Variants in TBC1D26 observed in about 807,000 individuals in gnomAD.
TBC1D26 encodes the protein TBC1 domain family member 26.
TBC1D26 carries 19 observed loss-of-function variants against 42.5 expected under a neutral mutation model. The ratio of observed to expected loss-of-function variants is 0.45; its 90% confidence interval spans 0.31 to 0.66. The LOEUF (loss-of-function observed/expected upper bound fraction) is 0.66. Ranked by LOEUF, TBC1D26 falls within the 30% of genes least tolerant of loss-of-function variation. The pLI is 0.06. For missense variants in TBC1D26, 228 were observed against 332.6 expected, an observed-to-expected ratio of 0.69 and a Z score of 2.45; for synonymous variants, 97 against 123.5, an observed-to-expected ratio of 0.79 and a Z score of 1.42.
rs1381302197 is a variant in TBC1D26, at chr17:15,741,195, T to C, written c.620T>C (p.Phe207Ser). 3 of 1,613,768 alleles carry C rather than the reference T, an allele frequency of 1.9e-6. No homozygotes were observed. Among genetic ancestry groups the C allele is most frequent in the Non-Finnish European group, 2.5e-6 (3 of 1,179,970 alleles). Residue 207 changes from phenylalanine (F) to serine (S), a missense_variant, in exon 10 of 15, where the codon TTC (phenylalanine) becomes TCC (serine). By Grantham distance (155) the Phe-to-Ser change is radical (BLOSUM62 -2). Coordinates refer to ENST00000437605, the MANE Select transcript of TBC1D26 (RefSeq NM_001388465.1). ...CTGTGTCTGCCAGAGGAAGATGCTT[T>C]CTGGGCGCTTACCCAGTTGCTCGCT... ...LLLCLPEEDA[F>S]WALTQLLAVF...
At chr17:15,739,568 G>C (rs1307587678) in intron 8 of TBC1D26, among the ~76,000 whole-genome samples, 2 of 152,260 alleles carry the variant, frequency 1.3e-5, no homozygotes, top group Admixed American at 1.3e-4. Flanking sequence ...ATTGCTGAGG[G>C]AATGACGCCA....
At chr17:15,741,476 G>A in intron 10 of TBC1D26, 1 of 576,870 alleles carries the variant, frequency 1.7e-6, no homozygotes, top group Non-Finnish European at 3.0e-6. Flanking sequence ...CCCCCTGGCT[G>A]CCCTCTGTCG....
intron 8 of TBC1D26, 60 bp downstream of exon 8, chr17:15,738,890 G>A: frequency 6.2e-7 from 1 of 1,608,396 alleles, no homozygotes; most frequent in South Asian, 1.1e-5. Context: ...GAGGAATGAG[G>A]TTGTCCCCAG....
At chr17:15,734,144 C>T (rs374781821) in intron 1 of TBC1D26, 91 of 152,054 alleles carry the variant, frequency 6.0e-4, no homozygotes, top group African/African-American at 2.1e-3. Context: ...AGATGTGACC[C>T]GGGCCGTGCA....
Position 15,738,097 on chromosome 17 carries a change from G to A in TBC1D26, c.279+20G>A, listed in dbSNP as rs145551277. The A allele has an allele frequency of 4.5e-3, 7,223 of 1,614,188 alleles. 44 individuals carry two copies. The highest frequency in any genetic ancestry group is 9.9e-3 in the Middle Eastern group (60 of 6,062). The stretch of plus-strand genomic sequence containing the variant: ...AAGAAGGTAACATGGGGAGGAAGTG[G>A]CCCGCGTGACTGCTCTCTGCAGAGC... On this transcript the variant is annotated intron_variant, in intron 6 of 14. Transcript: ENST00000437605.
chr17:15,741,205 T>C lies in TBC1D26; in HGVS notation c.630T>C (p.Leu210=). ...CAGAGGAAGATGCTTTCTGGGCGCT[T>C]ACCCAGTTGCTCGCTGGTGAGAGGC... is the stretch of plus-strand genomic sequence containing the variant. ...CLPEEDAFWA[L]TQLLAVFYSP... The change falls in exon 10 of 15, where the codon CTT becomes CTC. Residue 210 remains leucine (L), a synonymous_variant. Coordinates refer to ENST00000437605, the MANE Select transcript of TBC1D26 (RefSeq NM_001388465.1). The C allele has an allele frequency of 6.2e-7, 1 of 1,613,796 alleles. No individual in the cohort carries two copies. The highest frequency in any genetic ancestry group is 8.5e-7 in the Non-Finnish European group (1 of 1,179,970).
Position 15,738,928 on chromosome 17 carries a change from G to C in TBC1D26, c.497+98G>C, listed in dbSNP as rs1293133116. On this transcript the variant is annotated intron_variant, in intron 8 of 14. Transcript: ENST00000437605. ...CAGAGGCCAGGGTCACCCAGGAGAG[G>C]TGACAGAGCCACCAAGGGCTCTCCT... The C allele has an allele frequency of 3.2e-6, 5 of 1,539,668 alleles. No homozygotes were observed. In the Admixed American group the frequency reaches 9.2e-5, roughly 28 times the overall value.
chr17:15,741,017 G>A (rs2151502693), intron 9 of TBC1D26, 105 bp from the exon 10 acceptor site: 4 of 1,465,234 alleles, frequency 2.7e-6, no homozygotes, highest in Admixed American at 1.7e-5. Context: ...GGGGCCTGAG[G>A]CAGGTGTCCC....
At chr17:15,734,423 A>G (rs1229754189) in intron 1 of TBC1D26, among the ~76,000 whole-genome samples, 3 of 152,060 alleles carry the variant, frequency 2.0e-5, no homozygotes, top group Non-Finnish European at 4.4e-5. Context: ...CACTGGACAC[A>G]TGGGGTCCTT....
chr17:15,740,227 A>G, intron 9 of TBC1D26, 79 bp downstream of exon 9: 1 of 1,613,518 alleles, frequency 6.2e-7, no homozygotes, highest in Non-Finnish European at 8.5e-7. Context: ...GGGTGTTGCA[A>G]CTTCTTGAAA....
Position 15,741,985 on chromosome 17 carries a change from G to A in TBC1D26, c.690G>A (p.Ser230=), listed in dbSNP as rs367840777. The change falls in exon 11 of 15, where the codon TCG becomes TCA. Residue 230 remains serine, a synonymous_variant. Transcript: ENST00000437605. The part of the protein sequence containing the change: ...PNTAWLERLL[S]HQEQVLHKSF... Reference sequence around the variant, plus strand: ...CTGCCTGGCTCGAGAGGCTCCTATCGCACCAGGAGCAGGTGCTGCACAAGT... The same window carrying A: ...CTGCCTGGCTCGAGAGGCTCCTATCACACCAGGAGCAGGTGCTGCACAAGT... 7.4e-6 allele frequency: 12 copies of A among 1,613,918 alleles called. No individual in the cohort carries two copies. The highest frequency in any genetic ancestry group is 3.3e-5 in the Admixed American group (2 of 59,990).
intron 1 of TBC1D26, among the ~76,000 whole-genome samples, chr17:15,732,864 TC>T (rs1967519341): frequency 6.6e-6 from 1 of 152,008 alleles, no homozygotes; most frequent in African/African-American, 2.4e-5. Flanking sequence ...TCACTGAGGG[TC>T]TCCGTGGGAC....
intron 14 of TBC1D26, 57 bp downstream of exon 14, chr17:15,743,573 G>A (rs747432390): frequency 3.3e-5 from 25 of 749,820 alleles, no homozygotes; most frequent in Middle Eastern, 1.0e-3. Context: ...TCAATGGTGG[G>A]GAGTGCCGTG....
At chr17:15,742,126 GCTGAGTCCCAGCCACGGC>G in intron 11 of TBC1D26, 90 bp downstream of exon 11, 1 of 1,120,598 alleles carries the variant, frequency 8.9e-7, no homozygotes, top group Non-Finnish European at 1.3e-6. Flanking sequence ...CTGGCAAGAG[GCTGAGTCCCAGCCACGGC>G]CTGACCTGGG....
At chr17:15,735,472 G>C in intron 3 of TBC1D26, 49 bp downstream of exon 3, 1 of 1,563,692 alleles carries the variant, frequency 6.4e-7, no homozygotes, top group Non-Finnish European at 8.7e-7. Context: ...CGCCTCTCCC[G>C]CTGTGCCCTG....
intron 10 of TBC1D26, 35 bp downstream of exon 10, chr17:15,741,256 G>C: frequency 6.2e-7 from 1 of 1,612,098 alleles, no homozygotes; most frequent in African/African-American, 1.3e-5. Context: ...GTGGACAGCT[G>C]CCCCCGGGGC....
intron 1 of TBC1D26, among the ~76,000 whole-genome samples, chr17:15,733,562 A>G (rs1271387768): frequency 6.6e-6 from 1 of 152,196 alleles, no homozygotes; most frequent in Non-Finnish European, 1.5e-5. Context: ...ACAGGCCTCA[A>G]GGGAAGGTGA....
intron 11 of TBC1D26, 37 bp from the exon 12 acceptor site, chr17:15,742,376 GC>G (rs1469607932): frequency 5.2e-6 from 2 of 386,424 alleles, no homozygotes; most frequent in Non-Finnish European, 9.6e-6. Context: ...TTTCAGGGCA[GC>G]CCAGGGGGCC....
rs375342147 is a variant in TBC1D26 at position 15,737,956 on chromosome 17, G to T, written c.199-41G>T. The T allele has an allele frequency of 1.9e-6, 3 of 1,613,678 alleles. No individual in the cohort carries two copies. The African/African-American group carries it at 4.0e-5, about 22-fold the overall frequency. Reference sequence around the variant, plus strand: ...CAGCATCCACGGGCCACTGTCAGACGCCTGGCAGCTCCGCTAACTCCATCA... The same window carrying T: ...CAGCATCCACGGGCCACTGTCAGACTCCTGGCAGCTCCGCTAACTCCATCA... On this transcript the variant is annotated intron_variant, in intron 5 of 14. Coordinates refer to ENST00000437605, the MANE Select transcript of TBC1D26 (RefSeq NM_001388465.1).
Sources: gnomAD v4.1 joint callset for allele counts (sites outside exome capture counted in the v4.1 genomes callset) on GRCh38, gnomAD v4.1.1 for gene constraint, MANE v1.5 for transcripts, NCBI Gene and HGNC (gene_info 2026-07-23, HGNC 2026-07-21) for gene names.